The following ATP13A4 variants were observed in gnomAD, a reference collection of about 807,000 sequenced individuals.
ATP13A4 encodes probable cation-transporting ATPase 13A4.
Under a neutral mutation model 142.5 loss-of-function variants are expected in ATP13A4, and 114 were observed. The observed-to-expected ratio is 0.80, with a 90% confidence interval of 0.69 to 0.93. The LOEUF is 0.93. Among genes scored for constraint, ATP13A4 ranks in the 40% least tolerant of loss-of-function variants. The pLI, the probability that ATP13A4 is intolerant of heterozygous loss-of-function variation, is 0.00. For missense variants in ATP13A4, 1,392 were observed against 1,454.0 expected, an observed-to-expected ratio of 0.96 and a Z score of 0.69; for synonymous variants, 488 against 514.8, an observed-to-expected ratio of 0.95 and a Z score of 0.70.
chr3:193,475,854 C>G (rs1309456855), intron 8 of ATP13A4, among the ~76,000 whole-genome samples: 3 of 151,886 alleles, frequency 2.0e-5, no homozygotes, highest in African/African-American at 7.3e-5. Flanking sequence ...ATTCTAAAAC[C>G]ATCTTAAATT....
intron 25 of ATP13A4, among the ~76,000 whole-genome samples, chr3:193,415,241 T>C (rs1714994546): frequency 1.3e-5 from 2 of 152,210 alleles, no homozygotes; most frequent in Non-Finnish European, 2.9e-5. Context: ...TGGAACAACA[T>C]GTAGTCACTA....
At position 193,412,285 on chromosome 3, in the gene ATP13A4, G is replaced by GT; in HGVS notation, c.3100dup (p.Thr1034AsnfsTer4). 1 of 1,613,634 alleles carries GT rather than the reference G, an allele frequency of 6.2e-7. No individual in the cohort carries two copies. On this transcript the variant is annotated frameshift_variant, in exon 27 of 30. Coordinates refer to ENST00000342695, the MANE Select transcript of ATP13A4 (RefSeq NM_032279.4). LOFTEE classifies it high-confidence loss of function. Reference sequence around the variant, plus strand: ...CCAGACTGTAGTGTTCTCAAAACTTGTGAAGGTGCTATTACTTTCCATTTT... The same window carrying GT: ...CCAGACTGTAGTGTTCTCAAAACTTGTTGAAGGTGCTATTACTTTCCATTTT...
In ATP13A4 at chr3:193,477,109, C is replaced by A. The variant is rs182980187; in HGVS notation, c.809-6116G>T. Among the ~76,000 whole-genome samples the A allele has an allele frequency of 5.0e-4, 75 of 150,226 alleles. 1 individual carries two copies. The highest frequency in any genetic ancestry group is 1.8e-3 in the African/African-American group (73 of 39,638). On this transcript the variant is annotated intron_variant, in intron 8 of 29. Transcript: ENST00000342695. ...CACAATAAAGCAAGGGGCAATAAAA[C>A]AAAGCGTGCTTGCATATGTATCATA...
chr3:193,441,521 A>G lies in ATP13A4; in HGVS notation c.2384T>C (p.Leu795Pro), dbSNP rs1360784115. 2.5e-6 allele frequency: 4 copies of G among 1,613,622 alleles called. No individual in the cohort carries two copies. Among genetic ancestry groups the G allele is most frequent in the Non-Finnish European group, 3.4e-6 (4 of 1,179,686 alleles). ...KGREGSYHFA[L>P]TGKSFHVISQ... Reference sequence around the variant, plus strand: ...TATAACATGAAAGGATTTTCCAGTTAGGGCAAAATGGTAACTTCCTTCTCT... The same window carrying G: ...TATAACATGAAAGGATTTTCCAGTTGGGGCAAAATGGTAACTTCCTTCTCT... The change falls in exon 20 of 30, where the codon CTA becomes CCA. Residue 795 changes from leucine to proline, a missense_variant. By Grantham distance (98) the Leu-to-Pro change is moderately conservative. Coordinates refer to ENST00000342695, the MANE Select transcript of ATP13A4 (RefSeq NM_032279.4).
chr3:193,493,343 A>C (rs1474335968), intron 3 of ATP13A4, among the ~76,000 whole-genome samples, 183 bp from the exon 4 acceptor site: 1 of 152,154 alleles, frequency 6.6e-6, no homozygotes, highest in Non-Finnish European at 1.5e-5. Context: ...TCTTTATTAG[A>C]AGTCATCATT....
chr3:193,585,512 A>G (rs1233986737), intron 1 of ATP13A4, among the ~76,000 whole-genome samples: 1 of 151,892 alleles, frequency 6.6e-6, no homozygotes, highest in Non-Finnish European at 1.5e-5. Context: ...GTAGCTCATC[A>G]GCTATTGTTA....
At chr3:193,556,593 C>T (rs1479289995), upstream of ATP13A4, among the ~76,000 whole-genome samples, 1 of 151,698 alleles carries the variant, frequency 6.6e-6, no homozygotes, top group Non-Finnish European at 1.5e-5. Context: ...AACATTTTAT[C>T]ACAAGGTCAA....
At chr3:193,435,767 A>C (rs2108618178) in intron 23 of ATP13A4, 23 bp from the exon 24 acceptor site, 2 of 1,581,742 alleles carry the variant, frequency 1.3e-6, no homozygotes, top group Non-Finnish European at 1.7e-6. Flanking sequence ...AGAAATGATA[A>C]AGACATGAAA....
In ATP13A4 at chr3:193,499,471, T is replaced by A. The variant is rs540171630; in HGVS notation, c.381+3022A>T. Among the ~76,000 whole-genome samples, 13 of 152,332 alleles carry A rather than the reference T, an allele frequency of 8.5e-5. 2 individuals carry two copies. Among genetic ancestry groups the A allele is most frequent in the African/African-American group, 3.1e-4 (13 of 41,582 alleles). On this transcript the variant is annotated intron_variant, in intron 3 of 29. Transcript: ENST00000342695. The stretch of plus-strand genomic sequence containing the variant: ...ATGTTAGGACTTTTCACACGTTATG[T>A]TTAGTCTTTTCCATCATCCTGTGGT...
chr3:193,423,531 A>G (rs1046984950), intron 25 of ATP13A4, among the ~76,000 whole-genome samples: 2 of 149,944 alleles, frequency 1.3e-5, no homozygotes, highest in African/African-American at 4.9e-5. Flanking sequence ...GGATGGTTCA[A>G]CATATTCAAA....
At chr3:193,481,609 G>T (rs1719297797) in intron 8 of ATP13A4, among the ~76,000 whole-genome samples, 1 of 152,060 alleles carries the variant, frequency 6.6e-6, no homozygotes, top group Non-Finnish European at 1.5e-5. Flanking sequence ...GTGAATTTTG[G>T]CTTACAGAAC....
chr3:193,493,245 G>A (rs1460765274), intron 3 of ATP13A4, 85 bp from the exon 4 acceptor site: 2 of 1,132,338 alleles, frequency 1.8e-6, no homozygotes, highest in Non-Finnish European at 1.3e-6. Context: ...GCATTTGTTT[G>A]AAAAGCAAAG....
At position 193,466,116 on chromosome 3, in the gene ATP13A4, A is replaced by T. The variant is rs147609379; in HGVS notation, c.1181T>A (p.Leu394Ter). ...ILYPKPVNFQ[L>*]YRDAIRFLLC... ...GAGGAACCTGATGGCATCCCTGTAC[A>T]ACTGAAAATTCACTGGCTTAGGGTA... Residue 394 changes from leucine to a stop codon, truncating the protein, a stop_gained, in exon 11 of 30, where the codon TTG (leucine) becomes TAG (stop). Coordinates refer to ENST00000342695, the MANE Select transcript of ATP13A4 (RefSeq NM_032279.4). LOFTEE classifies it high-confidence loss of function. 2.5e-5 allele frequency: 41 copies of T among 1,614,032 alleles called. No individual in the cohort carries two copies. The highest frequency in any genetic ancestry group is 3.2e-5 in the Non-Finnish European group (38 of 1,180,018).
Position 193,467,474 on chromosome 3 carries a change from G to T in ATP13A4, c.956C>A (p.Pro319Gln). ...CTTGGGTAACGGAGTTTTGGTGACT[G>T]GAATACTTTCTCCTACAGAAAACAA... is the stretch of plus-strand genomic sequence containing the variant. The part of the protein sequence containing the change: ...DEGMLTGESI[P>Q]VTKTPLPKMD... The change falls in exon 10 of 30, where the codon CCA becomes CAA. Residue 319 changes from proline to glutamine, a missense_variant. Transcript: ENST00000342695. 6.2e-7 allele frequency: 1 copy of T among 1,613,426 alleles called. No individual in the cohort carries two copies. The highest frequency in any genetic ancestry group is 8.5e-7 in the Non-Finnish European group (1 of 1,179,932).
intron 5 of ATP13A4, among the ~76,000 whole-genome samples, chr3:193,492,207 C>T (rs915518749): frequency 3.3e-5 from 5 of 152,168 alleles, no homozygotes; most frequent in Admixed American, 2.6e-4. Context: ...GCTGATTCTG[C>T]TAGGCTGTAC....
chr3:193,441,991 T>A (rs1008732442), intron 19 of ATP13A4, among the ~76,000 whole-genome samples: 4 of 152,150 alleles, frequency 2.6e-5, no homozygotes, highest in Non-Finnish European at 4.4e-5. Context: ...AGACTGGAGA[T>A]AAATGAATGA....
chr3:193,404,123 T>C (rs1194568215), intron 29 of ATP13A4: 4 of 985,288 alleles, frequency 4.1e-6, no homozygotes, highest in Non-Finnish European at 4.8e-6. Context: ...GCAAGGTTTT[T>C]TTGTCCTCCT....
chr3:193,496,242 CACAA>C (rs769354688), intron 3 of ATP13A4, among the ~76,000 whole-genome samples: 8 of 151,974 alleles, frequency 5.3e-5, no homozygotes, highest in African/African-American at 9.7e-5. Context: ...TGTATGAAAC[CACAA>C]AAGACCCTGG....
intron 25 of ATP13A4, 53 bp downstream of exon 25, chr3:193,433,792 G>A: frequency 1.5e-6 from 2 of 1,328,664 alleles, no homozygotes; most frequent in Non-Finnish European, 2.2e-6. Flanking sequence ...CCAAGGCAGA[G>A]GGAGGGCAGC....
Sources: allele counts gnomAD v4.1 joint callset (sites outside exome capture counted in the v4.1 genomes callset), GRCh38; gene constraint gnomAD v4.1.1; transcripts MANE v1.5; gene names NCBI Gene and HGNC (gene_info 2026-07-23, HGNC 2026-07-21).